The following SH3GL2 variants were observed in gnomAD, a reference collection of about 807,000 sequenced individuals.
The protein encoded by SH3GL2 is SH3 domain containing GRB2 like 2, endophilin A1.
SH3GL2 carries 24 observed loss-of-function variants against 46.0 expected under a neutral mutation model. The observed-to-expected ratio is 0.52, with a 90% CI of 0.38 to 0.73. The LOEUF (loss-of-function observed/expected upper bound fraction) is 0.73. Among genes scored for constraint, SH3GL2 ranks in the 30% least tolerant of loss-of-function variants. The pLI is 0.00. For missense variants in SH3GL2, 413 were observed against 424.2 expected (o/e 0.97, Z 0.23); for synonymous variants, 196 against 147.1 (o/e 1.33, Z -2.40).
chr9:17,658,865 C>T (rs12552706), intron 1 of SH3GL2, among the ~76,000 whole-genome samples: 15,451 of 152,240 alleles, frequency 0.1, 999 homozygotes, highest in Admixed American at 0.19. Context: ...AAAATCTGCC[C>T]TGGAAAATGA....
chr9:17,763,581 C>T (rs539765562), intron 3 of SH3GL2, among the ~76,000 whole-genome samples: 3 of 152,282 alleles, frequency 2.0e-5, no homozygotes, highest in Non-Finnish European at 4.4e-5. Flanking sequence ...CTCTCAGAGC[C>T]TCCAGAGGGA....
At chr9:17,769,541 GTGTT>G (rs1351787512) in intron 3 of SH3GL2, among the ~76,000 whole-genome samples, 6 of 151,900 alleles carry the variant, frequency 3.9e-5, no homozygotes, top group Non-Finnish European at 8.8e-5. Flanking sequence ...CTTTGCACAG[GTGTT>G]TCTTCTGCCT....
intron 1 of SH3GL2, among the ~76,000 whole-genome samples, chr9:17,607,920 C>T (rs1818789313): frequency 1.3e-5 from 2 of 152,062 alleles, no homozygotes. Flanking sequence ...TTATGGAATG[C>T]TTTCCTGTCC....
chr9:17,610,158 A>C (rs1405267586), intron 1 of SH3GL2, among the ~76,000 whole-genome samples: 2 of 152,216 alleles, frequency 1.3e-5, no homozygotes, highest in African/African-American at 4.8e-5. Flanking sequence ...TCTTCTCCAA[A>C]GTTAGCTTCC....
intron 1 of SH3GL2, among the ~76,000 whole-genome samples, chr9:17,732,690 G>A (rs1822216832): frequency 2.6e-5 from 4 of 152,068 alleles, no homozygotes; most frequent in Non-Finnish European, 4.4e-5. Flanking sequence ...TAGGCCTATA[G>A]GCAAAGGAAG....
intron 1 of SH3GL2, among the ~76,000 whole-genome samples, chr9:17,637,527 T>C (rs1323229089): frequency 1.3e-5 from 2 of 152,220 alleles, no homozygotes; most frequent in African/African-American, 2.4e-5. Flanking sequence ...TAAATTCATA[T>C]AAAAGACAGA....
At chr9:17,790,795 G>A (rs1367615071) in intron 6 of SH3GL2, among the ~76,000 whole-genome samples, 1 of 152,132 alleles carries the variant, frequency 6.6e-6, no homozygotes, top group Non-Finnish European at 1.5e-5. Context: ...TCGCCTCTCC[G>A]GGTACATTAT....
intron 1 of SH3GL2, among the ~76,000 whole-genome samples, chr9:17,592,568 A>T (rs1403370444): frequency 3.3e-5 from 5 of 152,236 alleles, no homozygotes; most frequent in Admixed American, 2.6e-4. Flanking sequence ...TTGTTAAAAC[A>T]GGAGATTAAC....
chr9:17,716,242 A>G (rs1009962653), intron 1 of SH3GL2, among the ~76,000 whole-genome samples: 3 of 152,146 alleles, frequency 2.0e-5, no homozygotes, highest in African/African-American at 7.2e-5. Context: ...TGCAATGCCT[A>G]ATAATCTTTA....
intron 1 of SH3GL2, among the ~76,000 whole-genome samples, chr9:17,670,282 T>G (rs1460103693): frequency 6.6e-6 from 1 of 152,232 alleles, no homozygotes; most frequent in Non-Finnish European, 1.5e-5. Context: ...GTTTGCAGTC[T>G]GATCTTCCAG....
chr9:17,730,155 T>G (rs1349545037), intron 1 of SH3GL2, among the ~76,000 whole-genome samples: 1 of 152,182 alleles, frequency 6.6e-6, no homozygotes, highest in Non-Finnish European at 1.5e-5. Flanking sequence ...GTCATGTACT[T>G]CTCTTTGAAG....
intron 3 of SH3GL2, among the ~76,000 whole-genome samples, chr9:17,767,227 A>C (rs1021808321): frequency 4.6e-5 from 7 of 152,176 alleles, no homozygotes; most frequent in African/African-American, 1.4e-4. Context: ...AGCATTTCTG[A>C]GATTTGGGTA....
At chr9:17,759,776 C>A (rs1021609434) in intron 2 of SH3GL2, among the ~76,000 whole-genome samples, 7 of 152,112 alleles carry the variant, frequency 4.6e-5, no homozygotes, top group Non-Finnish European at 1.0e-4. Context: ...ATTCCTATGG[C>A]ACTCTTTTTT....
chr9:17,738,641 T>TATATAGAGAGAGAGAGAGAGAGAGAG (rs376280314), intron 1 of SH3GL2, among the ~76,000 whole-genome samples: 1 of 88,896 alleles, frequency 1.1e-5, no homozygotes, highest in Non-Finnish European at 2.3e-5. Flanking sequence ...TATATATATA[T>TATATAGAGAGAGAGAGAGAGAGAGAG]AGAGAGAGAG....
intron 1 of SH3GL2, among the ~76,000 whole-genome samples, chr9:17,672,263 G>A (rs1820493549): frequency 6.6e-6 from 1 of 152,138 alleles, no homozygotes; most frequent in Non-Finnish European, 1.5e-5. Context: ...GAAAATTTTA[G>A]AAATCTTGGT....
chr9:17,580,245 C>T (rs1199762419), intron 1 of SH3GL2, among the ~76,000 whole-genome samples: 2 of 152,094 alleles, frequency 1.3e-5, no homozygotes, highest in Non-Finnish European at 1.5e-5. Flanking sequence ...TGATGACTTA[C>T]CGCGAAATGT....
intron 1 of SH3GL2, among the ~76,000 whole-genome samples, chr9:17,637,711 C>T (rs1204363503): frequency 6.6e-6 from 1 of 152,182 alleles, no homozygotes; most frequent in Non-Finnish European, 1.5e-5. Context: ...ATAATAACCT[C>T]AGAAGTTATT....
At chr9:17,700,721 G>A (rs1218425196) in intron 1 of SH3GL2, among the ~76,000 whole-genome samples, 3 of 152,102 alleles carry the variant, frequency 2.0e-5, no homozygotes, top group African/African-American at 4.8e-5. Flanking sequence ...TTAAAATCCT[G>A]TCAGCAATAA....
chr9:17,712,065 T>A (rs1195881766), intron 1 of SH3GL2, among the ~76,000 whole-genome samples: 4 of 151,836 alleles, frequency 2.6e-5, no homozygotes, highest in Non-Finnish European at 5.9e-5. Flanking sequence ...TAATGACCAA[T>A]GATGTTGAGC....
Sources: allele counts gnomAD v4.1 joint callset (sites outside exome capture counted in the v4.1 genomes callset), GRCh38; gene constraint gnomAD v4.1.1; transcripts MANE v1.5; gene names NCBI Gene and HGNC (gene_info 2026-07-23, HGNC 2026-07-21).